Variants in SORCS3 observed in about 807,000 individuals in gnomAD.
The protein encoded by SORCS3 is sortilin related VPS10 domain containing receptor 3.
A neutral mutation model predicts 146.3 loss-of-function variants in SORCS3; 57 were observed. That is an observed-to-expected ratio of 0.39 (90% CI 0.31 to 0.49). The LOEUF (loss-of-function observed/expected upper bound fraction) is 0.49. Among genes scored for constraint, SORCS3 ranks in the 20% least tolerant of loss-of-function variants. The pLI, the probability that SORCS3 is intolerant of heterozygous loss-of-function variation, is 0.92. For missense variants in SORCS3, 1,341 were observed against 1,575.5 expected, an observed-to-expected ratio of 0.85 and a Z score of 2.52; for synonymous variants, 653 against 618.5, an observed-to-expected ratio of 1.06 and a Z score of -0.83.
At chr10:104,662,733 A>G (rs545112463) in intron 1 of SORCS3, among the ~76,000 whole-genome samples, 38 of 152,194 alleles carry the variant, frequency 2.5e-4, no homozygotes, top group Non-Finnish European at 5.3e-4. Context: ...AAAGAGCAAG[A>G]TGAGTAAAGG....
At chr10:104,688,274 C>T (rs552080546) in intron 1 of SORCS3, among the ~76,000 whole-genome samples, 1 of 152,334 alleles carries the variant, frequency 6.6e-6, no homozygotes, top group Non-Finnish European at 1.5e-5. Flanking sequence ...ACTGGCCACT[C>T]ATCCAGCAGC....
chr10:105,245,971 T>C (rs1379664512), intron 21 of SORCS3, among the ~76,000 whole-genome samples: 4 of 152,156 alleles, frequency 2.6e-5, no homozygotes, highest in Admixed American at 6.5e-5. Flanking sequence ...ACAACATATA[T>C]GCAGGACACA....
At chr10:105,147,521 C>T in intron 8 of SORCS3, 96 bp from the exon 9 acceptor site, 2 of 1,109,270 alleles carry the variant, frequency 1.8e-6, no homozygotes, top group African/African-American at 3.2e-5. Context: ...CAAGCTTTTT[C>T]TCAGCAATTT....
chr10:104,842,994 G>A lies in SORCS3; in HGVS notation c.695+135G>A. On this transcript the variant is annotated intron_variant, in intron 2 of 26. Coordinates refer to ENST00000369701, the MANE Select transcript of SORCS3 (RefSeq NM_014978.3). ...CCTGGAAGCTCATGTTAATGCTCTGGGTGGAACTGATGGCCCCCACCTGTG... is the reference window on the plus strand; with the variant it reads ...CCTGGAAGCTCATGTTAATGCTCTGAGTGGAACTGATGGCCCCCACCTGTG... 4.2e-6 allele frequency: 3 copies of A among 706,976 alleles called. No individual in the cohort carries two copies. The South Asian group carries it at 5.2e-5, about 12-fold the overall frequency. The allele number at this position is 706,976 out of a possible 1,614,324, so 43.8% of individuals were successfully genotyped here.
intron 1 of SORCS3, among the ~76,000 whole-genome samples, chr10:104,643,744 G>C (rs1054663205): frequency 5.3e-5 from 8 of 150,520 alleles, no homozygotes; most frequent in Non-Finnish European, 1.0e-4. Context: ...GTGTGTGTGT[G>C]TTGGGGTTCT....
intron 16 of SORCS3, among the ~76,000 whole-genome samples, chr10:105,210,394 C>A (rs2056626354): frequency 6.6e-6 from 1 of 152,142 alleles, no homozygotes; most frequent in South Asian, 2.1e-4. Context: ...GCTACAAGAG[C>A]AATAATACCT....
intron 4 of SORCS3, among the ~76,000 whole-genome samples, chr10:104,982,371 T>A (rs147640180): frequency 6.6e-6 from 1 of 152,182 alleles, no homozygotes; most frequent in Non-Finnish European, 1.5e-5. Flanking sequence ...ACCCTCAGAT[T>A]AAAAATGTAA....
At chr10:105,021,862 A>G (rs1439906329) in intron 4 of SORCS3, among the ~76,000 whole-genome samples, 1 of 152,202 alleles carries the variant, frequency 6.6e-6, no homozygotes, top group Admixed American at 6.6e-5. Flanking sequence ...CTATTCTAGC[A>G]ACCAACCAAA....
chr10:105,263,120 G>A (rs972161024), intron 26 of SORCS3, among the ~76,000 whole-genome samples, 190 bp from the exon 27 acceptor site: 1 of 152,210 alleles, frequency 6.6e-6, no homozygotes, highest in Non-Finnish European at 1.5e-5. Flanking sequence ...GGCTAGTGTG[G>A]GAGGTAGCAT....
chr10:104,649,140 A>T (rs1242348832), intron 1 of SORCS3, among the ~76,000 whole-genome samples: 1 of 152,210 alleles, frequency 6.6e-6, no homozygotes, highest in Non-Finnish European at 1.5e-5. Flanking sequence ...AGATTTCATC[A>T]TGAATGCAAT....
At chr10:105,181,710 G>A (rs1278003269) in intron 14 of SORCS3, among the ~76,000 whole-genome samples, 2 of 152,116 alleles carry the variant, frequency 1.3e-5, no homozygotes, top group Non-Finnish European at 2.9e-5. Flanking sequence ...ATCTAGTCTA[G>A]CCAAATTCAA....
chr10:105,065,743 A>G (rs1286638171), intron 5 of SORCS3, among the ~76,000 whole-genome samples: 1 of 152,232 alleles, frequency 6.6e-6, no homozygotes, highest in East Asian at 1.9e-4. Flanking sequence ...TCCAGGCTAA[A>G]GCTTAAAAGA....
chr10:104,922,113 C>T (rs1190817624), intron 3 of SORCS3, among the ~76,000 whole-genome samples: 2 of 152,186 alleles, frequency 1.3e-5, no homozygotes, highest in South Asian at 2.1e-4. Flanking sequence ...CTGGATACAA[C>T]ACATAACCCT....
chr10:104,991,338 CTGAGATCAAGG>C (rs2054992677), intron 4 of SORCS3, among the ~76,000 whole-genome samples: 1 of 152,068 alleles, frequency 6.6e-6, no homozygotes, highest in Non-Finnish European at 1.5e-5. Flanking sequence ...CCATACATTT[CTGAGATCAAGG>C]TGTTGGCAGG....
chr10:105,229,673 T>C (rs1249461980), intron 20 of SORCS3, among the ~76,000 whole-genome samples: 1 of 152,208 alleles, frequency 6.6e-6, no homozygotes, highest in Non-Finnish European at 1.5e-5. Flanking sequence ...CAGTTATTAG[T>C]GGAGGCCATG....
At chr10:105,109,600 G>T (rs2055845805) in intron 7 of SORCS3, among the ~76,000 whole-genome samples, 1 of 151,726 alleles carries the variant, frequency 6.6e-6, no homozygotes, top group Non-Finnish European at 1.5e-5. Flanking sequence ...CATTTCTCAG[G>T]GTATAAAATG....
At chr10:104,825,955 C>A (rs930256243) in intron 1 of SORCS3, among the ~76,000 whole-genome samples, 1 of 152,138 alleles carries the variant, frequency 6.6e-6, no homozygotes, top group Non-Finnish European at 1.5e-5. Flanking sequence ...TTGCCTTATT[C>A]AGTTACCAAA....
At chr10:105,158,043 A>C (rs971822129) in intron 10 of SORCS3, among the ~76,000 whole-genome samples, 5 of 152,290 alleles carry the variant, frequency 3.3e-5, no homozygotes, top group African/African-American at 1.2e-4. Context: ...AATACAGCAA[A>C]TAGCGCTCTT....
chr10:105,231,468 C>A (rs1180832043), intron 20 of SORCS3, among the ~76,000 whole-genome samples: 1 of 152,136 alleles, frequency 6.6e-6, no homozygotes, highest in Non-Finnish European at 1.5e-5. Context: ...CATCTATGAA[C>A]AAATAGTTTT....
Sources: gnomAD v4.1 joint callset for allele counts (sites outside exome capture counted in the v4.1 genomes callset) on GRCh38, gnomAD v4.1.1 for gene constraint, MANE v1.5 for transcripts, NCBI Gene and HGNC (gene_info 2026-07-23, HGNC 2026-07-21) for gene names.